The following PHF20 variants were observed in gnomAD, a reference collection of about 807,000 sequenced individuals.
PHF20 encodes glioma-expressed antigen 2.
In PHF20, 23 loss-of-function variants were observed where a neutral mutation model predicts 113.5. That is an observed-to-expected ratio of 0.20 (90% CI 0.15 to 0.29). PHF20 has a LOEUF of 0.29. Among genes scored for constraint, PHF20 ranks in the 10% least tolerant of loss-of-function variants. The pLI is 1.00. For missense variants in PHF20, 943 were observed against 1,219.6 expected (o/e 0.77, Z 3.38); for synonymous variants, 434 against 457.3 (o/e 0.95, Z 0.65).
At chr20:35,885,953 T>C (rs1407898202) in intron 9 of PHF20, among the ~76,000 whole-genome samples, 4 of 152,152 alleles carry the variant, frequency 2.6e-5, no homozygotes, top group Non-Finnish European at 5.9e-5. Context: ...TTCATCATTC[T>C]TTCAACATGT....
At chr20:35,907,512 C>T (rs1034843985) in intron 10 of PHF20, among the ~76,000 whole-genome samples, 2 of 152,196 alleles carry the variant, frequency 1.3e-5, no homozygotes, top group South Asian at 2.1e-4. Context: ...AGCAGACCAG[C>T]GACCAGCACT....
intron 2 of PHF20, among the ~76,000 whole-genome samples, chr20:35,831,104 CT>C (rs1568623768): frequency 6.6e-6 from 1 of 152,080 alleles, no homozygotes; most frequent in Non-Finnish European, 1.5e-5. Flanking sequence ...AATATACACA[CT>C]AAAGTTATTT....
At chr20:35,920,861 CAG>C (rs2055498153) in intron 13 of PHF20, among the ~76,000 whole-genome samples, 1 of 152,146 alleles carries the variant, frequency 6.6e-6, no homozygotes, top group African/African-American at 2.4e-5. Context: ...AACCTTGGTT[CAG>C]TGGTTTTCAA....
Position 35,899,348 on chromosome 20 carries a change from C to A in PHF20, c.1283-22C>A, listed in dbSNP as rs559229957. The A allele has an allele frequency of 1.6e-5, 26 of 1,583,886 alleles. No individual in the cohort carries two copies. The South Asian group carries it at 2.9e-4, about 17-fold the overall frequency. On this transcript the variant is annotated intron_variant, in intron 9 of 17. Transcript: ENST00000374012. Reference sequence around the variant, plus strand: ...CTGGGATAAATACAAGGAACCTTTGCTTTTGTTTTTATTTTTTTCAGTAAC... The same window carrying A: ...CTGGGATAAATACAAGGAACCTTTGATTTTGTTTTTATTTTTTTCAGTAAC...
At chr20:35,926,982 C>G (rs181430688) in intron 13 of PHF20, among the ~76,000 whole-genome samples, 9 of 152,298 alleles carry the variant, frequency 5.9e-5, no homozygotes, top group Non-Finnish European at 1.2e-4. Flanking sequence ...ATTCCCTCCT[C>G]TGGACCCTTA....
intron 1 of PHF20, among the ~76,000 whole-genome samples, chr20:35,784,210 C>T (rs1222731150): frequency 2.6e-5 from 4 of 151,500 alleles, no homozygotes; most frequent in Non-Finnish European, 5.9e-5. Context: ...CCTGCCACCA[C>T]GCCCGGCTAA....
chr20:35,909,774 G>A (rs2055263860), intron 10 of PHF20, among the ~76,000 whole-genome samples: 1 of 152,146 alleles, frequency 6.6e-6, no homozygotes, highest in Non-Finnish European at 1.5e-5. Flanking sequence ...AGGCTTGCCA[G>A]CCAGTAGGCA....
Position 35,899,710 on chromosome 20 carries a change from G to A in PHF20, c.1561+62G>A. 3.9e-6 allele frequency: 6 copies of A among 1,529,430 alleles called. No homozygotes were observed. In the South Asian group the frequency reaches 5.9e-5, roughly 15 times the overall value. The allele number at this position is 1,529,430 out of a possible 1,614,324, so 94.7% of individuals were successfully genotyped here. On this transcript the variant is annotated intron_variant, in intron 10 of 17. Coordinates refer to ENST00000374012, the MANE Select transcript of PHF20 (RefSeq NM_016436.5). Reference sequence around the variant, plus strand: ...TCAGTTGCTTGGCCACAGTGCTTGTGTTTTCTGACACACAAAGCAGGCATT... The same window carrying A: ...TCAGTTGCTTGGCCACAGTGCTTGTATTTTCTGACACACAAAGCAGGCATT...
chr20:35,892,365 G>A (rs565581276), intron 9 of PHF20, among the ~76,000 whole-genome samples: 10 of 150,136 alleles, frequency 6.7e-5, no homozygotes, highest in East Asian at 2.0e-4. Flanking sequence ...GTGAGCCACC[G>A]CACCCGGCCA....
intron 13 of PHF20, among the ~76,000 whole-genome samples, chr20:35,920,962 G>A (rs2055500070): frequency 1.3e-5 from 2 of 152,216 alleles, no homozygotes; most frequent in South Asian, 4.1e-4. Context: ...AGTTTTGAAA[G>A]TTCAAAATGG....
At chr20:35,833,149 T>A (rs2042383259) in intron 2 of PHF20, among the ~76,000 whole-genome samples, 1 of 152,128 alleles carries the variant, frequency 6.6e-6, no homozygotes, top group Non-Finnish European at 1.5e-5. Context: ...TTTGTGGAAT[T>A]ATGGTTCAAT....
chr20:35,917,011 C>T (rs770088510), intron 12 of PHF20, among the ~76,000 whole-genome samples: 5 of 152,148 alleles, frequency 3.3e-5, no homozygotes, highest in Non-Finnish European at 7.3e-5. Flanking sequence ...CAATCCTCCT[C>T]CTTCGGCCTC....
intron 9 of PHF20, among the ~76,000 whole-genome samples, chr20:35,873,892 G>A (rs1258827972): frequency 6.6e-6 from 1 of 152,136 alleles, no homozygotes; most frequent in Non-Finnish European, 1.5e-5. Context: ...ATGTAAAAAT[G>A]TTCCATTAAC....
At chr20:35,896,305 AT>A (rs1278645830) in intron 9 of PHF20, among the ~76,000 whole-genome samples, 2 of 152,016 alleles carry the variant, frequency 1.3e-5, no homozygotes, top group African/African-American at 4.8e-5. Context: ...TCCAGTGGAG[AT>A]TGTGTGATTG....
chr20:35,910,293 AGGGTTTTACTTTG>A (rs1384481613), intron 10 of PHF20, among the ~76,000 whole-genome samples: 4 of 152,070 alleles, frequency 2.6e-5, no homozygotes, highest in Non-Finnish European at 5.9e-5. Context: ...TTAATGGTAA[AGGGTTTTACTTTG>A]GAGTGATGGA....
intron 16 of PHF20, 88 bp from the exon 17 acceptor site, chr20:35,940,776 T>C (rs1168947983): frequency 9.4e-7 from 1 of 1,065,280 alleles, no homozygotes; most frequent in Non-Finnish European, 1.4e-6. Flanking sequence ...CTGCAGCTAG[T>C]ATTTCAGGTG....
At chr20:35,903,658 G>A (rs561736735) in intron 10 of PHF20, among the ~76,000 whole-genome samples, 1 of 152,142 alleles carries the variant, frequency 6.6e-6, no homozygotes, top group Non-Finnish European at 1.5e-5. Flanking sequence ...TTACCAGACC[G>A]AAGGAACTAG....
At chr20:35,789,563 T>C (rs2041496527) in intron 1 of PHF20, among the ~76,000 whole-genome samples, 1 of 152,158 alleles carries the variant, frequency 6.6e-6, no homozygotes, top group Non-Finnish European at 1.5e-5. Flanking sequence ...TTTTCTTTTT[T>C]TGTGACGCAG....
intron 2 of PHF20, among the ~76,000 whole-genome samples, chr20:35,821,535 C>T (rs1239292143): frequency 6.6e-6 from 1 of 150,582 alleles, no homozygotes; most frequent in East Asian, 1.9e-4. Context: ...GGTGTGTACC[C>T]GTGGTCCCAG....
Sources: allele counts gnomAD v4.1 joint callset (sites outside exome capture counted in the v4.1 genomes callset), GRCh38; gene constraint gnomAD v4.1.1; transcripts MANE v1.5; gene names NCBI Gene and HGNC (gene_info 2026-07-23, HGNC 2026-07-21).